Variants in SEC14L2 observed in about 807,000 individuals in gnomAD.
SEC14L2 encodes SEC14 like lipid binding 2.
A neutral mutation model predicts 56.9 loss-of-function variants in SEC14L2; 50 were observed. The ratio of observed to expected loss-of-function variants is 0.88; its 90% CI spans 0.70 to 1.11. SEC14L2 has a LOEUF of 1.11. Ranked by LOEUF, SEC14L2 falls within the 50% of genes most tolerant of loss-of-function variation. SEC14L2 has a pLI of 0.00. For synonymous variants in SEC14L2, 179 were observed against 188.5 expected (o/e 0.95, Z 0.41); for missense variants, 414 against 500.7 (o/e 0.83, Z 1.65).
Position 30,409,201 on chromosome 22 carries a change from G to A in SEC14L2, c.438G>A (p.Val146=). Residue 146 remains valine (V), a synonymous_variant, in exon 6 of 12, where the codon GTG becomes GTA. Transcript: ENST00000615189. The part of the protein sequence containing the change: ...AHQTTKLGRK[V]ETITIIYDCE... ...GTTCCCTGCAGTTGGGGAGGAAGGT[G>A]GAGACCATCACCATAATTTATGACT... 1.2e-6 allele frequency: 2 copies of A among 1,614,014 alleles called. No individual in the cohort carries two copies. Among genetic ancestry groups the A allele is most frequent in the Middle Eastern group, 1.6e-4 (1 of 6,062 alleles).
chr22:30,397,955 C>CT (rs1282922480), intron 1 of SEC14L2: 4 of 463,122 alleles, frequency 8.6e-6, no homozygotes, highest in African/African-American at 8.0e-5. Flanking sequence ...AACTAAATCT[C>CT]TTATCTGTCA....
intron 5 of SEC14L2, among the ~76,000 whole-genome samples, chr22:30,408,395 C>T (rs774626058): frequency 4.7e-4 from 71 of 152,046 alleles, no homozygotes; most frequent in Non-Finnish European, 5.9e-4. Context: ...AGTTCAAGAC[C>T]AGCCTGGGCA....
intron 8 of SEC14L2, among the ~76,000 whole-genome samples, chr22:30,415,203 G>A (rs924391260): frequency 2.6e-5 from 4 of 152,130 alleles, no homozygotes; most frequent in African/African-American, 7.2e-5. Context: ...AGGCCGAGGT[G>A]GGTGGATCAT....
At chr22:30,406,837 C>T (rs1438323265) in intron 3 of SEC14L2, among the ~76,000 whole-genome samples, 1 of 152,220 alleles carries the variant, frequency 6.6e-6, no homozygotes, top group Non-Finnish European at 1.5e-5. Flanking sequence ...ACTGCAACCT[C>T]CGCCTCCCGG....
intron 2 of SEC14L2, among the ~76,000 whole-genome samples, chr22:30,405,249 C>T (rs138210797): frequency 4.5e-4 from 69 of 152,074 alleles, no homozygotes; most frequent in African/African-American, 1.5e-3. Flanking sequence ...ATGGGCAGCA[C>T]GATGGTAGGG....
intron 8 of SEC14L2, among the ~76,000 whole-genome samples, chr22:30,414,106 C>T (rs538411566): frequency 2.6e-5 from 4 of 152,334 alleles, no homozygotes; most frequent in Admixed American, 2.6e-4. Context: ...ACTGGGATTA[C>T]AGGCATGAGC....
intron 2 of SEC14L2, among the ~76,000 whole-genome samples, chr22:30,403,379 G>T (rs1933994194): frequency 6.6e-6 from 1 of 152,214 alleles, no homozygotes; most frequent in Admixed American, 6.5e-5. Context: ...TGGAAGCCCT[G>T]GGAGGGAGGC....
intron 1 of SEC14L2, chr22:30,398,921 T>A: frequency 2.4e-6 from 1 of 420,134 alleles, no homozygotes; most frequent in Admixed American, 2.5e-5. Flanking sequence ...GGACAATACT[T>A]CTACGGGTTG....
chr22:30,418,948 G>A (rs557529167), intron 11 of SEC14L2, among the ~76,000 whole-genome samples: 4 of 152,272 alleles, frequency 2.6e-5, no homozygotes, highest in Non-Finnish European at 5.9e-5. Context: ...AAATTACCAA[G>A]GAGGAAAACC....
At chr22:30,420,383 G>A (rs1934485844) in intron 11 of SEC14L2, 1 of 152,242 alleles carries the variant, frequency 6.6e-6, no homozygotes, top group East Asian at 1.9e-4. Context: ...GCAGACTCTG[G>A]AGCTGCAATG....
chr22:30,407,639 A>G (rs1405812845), intron 5 of SEC14L2, 36 bp downstream of exon 5: 1 of 1,577,276 alleles, frequency 6.3e-7, no homozygotes, highest in Non-Finnish European at 8.7e-7. Flanking sequence ...TGAGTTGACC[A>G]CAGCAGAGGC....
At chr22:30,401,670 C>T (rs530974530) in intron 2 of SEC14L2, among the ~76,000 whole-genome samples, 11 of 130,462 alleles carry the variant, frequency 8.4e-5, no homozygotes, top group Admixed American at 8.6e-5. Context: ...TGCGCCACCA[C>T]GCCCGGCTAA....
chr22:30,406,202 T>C (rs1045236320), intron 2 of SEC14L2, 140 bp from the exon 3 acceptor site: 3 of 719,850 alleles, frequency 4.2e-6, no homozygotes, highest in African/African-American at 3.5e-5. Flanking sequence ...TGTTAGCTTC[T>C]GCTTGTAGGA....
intron 1 of SEC14L2, chr22:30,398,795 T>G: frequency 2.1e-6 from 1 of 470,692 alleles, no homozygotes; most frequent in Non-Finnish European, 4.4e-6. Context: ...AAAGAGTGTG[T>G]GCTCTGGACT....
chr22:30,398,640 C>A, intron 1 of SEC14L2: 1 of 462,856 alleles, frequency 2.2e-6, no homozygotes, highest in Non-Finnish European at 4.5e-6. Flanking sequence ...CCTGAGTTGC[C>A]CACCTCTCTC....
In SEC14L2 at chr22:30,418,683, C is replaced by T. The variant is rs552779019; in HGVS notation, c.1081+2280C>T. On this transcript the variant is annotated intron_variant, in intron 11 of 11. Coordinates refer to ENST00000615189, the MANE Select transcript of SEC14L2 (RefSeq NM_012429.5). Reference sequence around the variant, plus strand: ...AGAGGCAGGCCACAGGATCCATTCCCCCTTCCCAGGTACAAAGACAATGAA... The same window carrying T: ...AGAGGCAGGCCACAGGATCCATTCCTCCTTCCCAGGTACAAAGACAATGAA... Among the ~76,000 whole-genome samples, 78 of 152,332 alleles carry T rather than the reference C, an allele frequency of 5.1e-4. 1 individual carries two copies. Among genetic ancestry groups the T allele is most frequent in the Admixed American group, 1.8e-3 (27 of 15,296 alleles).
chr22:30,403,817 C>T (rs1363101129), intron 2 of SEC14L2, among the ~76,000 whole-genome samples: 4 of 151,804 alleles, frequency 2.6e-5, no homozygotes, highest in Non-Finnish European at 5.9e-5. Flanking sequence ...TCCTGGCTAA[C>T]AAGGTGAAAC....
intron 1 of SEC14L2, chr22:30,398,817 G>C (rs1289820152): frequency 2.1e-6 from 1 of 469,794 alleles, no homozygotes; most frequent in African/African-American, 2.0e-5. Flanking sequence ...AGACAGACCC[G>C]GGTTTGCATC....
In SEC14L2 at chr22:30,416,399, C is replaced by A. The variant is rs1032173201; in HGVS notation, c.1077C>A (p.Gly359=). ...EDGTLTCSDP[G]IYVLRFDNTY... ...GGACCCTCACCTGCAGTGATCCTGGCATCTGTAAGTATCTCTGCCTTGGCA... is the reference window on the plus strand; with the variant it reads ...GGACCCTCACCTGCAGTGATCCTGGAATCTGTAAGTATCTCTGCCTTGGCA... Residue 359 remains glycine (G), a synonymous_variant, in exon 11 of 12, where the codon GGC becomes GGA. Coordinates refer to ENST00000615189, the MANE Select transcript of SEC14L2 (RefSeq NM_012429.5). 1.9e-6 allele frequency: 3 copies of A among 1,614,132 alleles called. No individual in the cohort carries two copies. In the African/African-American group the frequency reaches 4.0e-5, roughly 22 times the overall value.
Sources: allele counts gnomAD v4.1 joint callset (sites outside exome capture counted in the v4.1 genomes callset), GRCh38; gene constraint gnomAD v4.1.1; transcripts MANE v1.5; gene names NCBI Gene and HGNC (gene_info 2026-07-23, HGNC 2026-07-21).